Variants in ARHGAP40 observed in about 807,000 individuals in gnomAD.
ARHGAP40 encodes the protein Rho GTPase activating protein 40.
In ARHGAP40, 43 loss-of-function variants were observed where a neutral mutation model predicts 73.5. The ratio of observed to expected loss-of-function variants is 0.58; its 90% CI spans 0.46 to 0.75. ARHGAP40 has a LOEUF of 0.75. Among genes scored for constraint, ARHGAP40 ranks in the 30% least tolerant of loss-of-function variants. The pLI is 0.00. For synonymous variants in ARHGAP40, 300 were observed against 352.8 expected, an observed-to-expected ratio of 0.85 and a Z score of 1.68; for missense variants, 734 against 861.8, an observed-to-expected ratio of 0.85 and a Z score of 1.86.
At chr20:38,604,119 C>A (rs1053826086) in intron 1 of ARHGAP40, among the ~76,000 whole-genome samples, 7 of 152,158 alleles carry the variant, frequency 4.6e-5, no homozygotes, top group Admixed American at 4.6e-4. Context: ...TCCAACCATG[C>A]GTCGTCCGTC....
At chr20:38,628,839 G>T in intron 3 of ARHGAP40, 88 bp from the exon 4 acceptor site, 2 of 941,886 alleles carry the variant, frequency 2.1e-6, no homozygotes, top group Admixed American at 2.9e-5. Flanking sequence ...TGTGAAAAGG[G>T]GTTGTGGGTG....
chr20:38,648,759 A>G (rs774209164), intron 14 of ARHGAP40, 61 bp downstream of exon 14: 30 of 1,266,568 alleles, frequency 2.4e-5, no homozygotes, highest in African/African-American at 3.1e-5. Flanking sequence ...TTCGACCTCA[A>G]AGGCTCACTG....
At chr20:38,616,803 C>T (rs531305221) in intron 1 of ARHGAP40, among the ~76,000 whole-genome samples, 2 of 152,288 alleles carry the variant, frequency 1.3e-5, no homozygotes, top group East Asian at 1.9e-4. Flanking sequence ...ATTGTTAAAA[C>T]TGAGAGGGAT....
chr20:38,623,064 G>A (rs1481131863), intron 1 of ARHGAP40, among the ~76,000 whole-genome samples: 2 of 152,178 alleles, frequency 1.3e-5, no homozygotes. Context: ...CCCCTCTTGG[G>A]AATGCTGCCT....
intron 5 of ARHGAP40, among the ~76,000 whole-genome samples, chr20:38,634,307 A>G (rs1260746349): frequency 6.6e-6 from 1 of 152,212 alleles, no homozygotes; most frequent in Non-Finnish European, 1.5e-5. Flanking sequence ...AGCAGTGTTC[A>G]TGCCACTGTA....
rs749385086 is a variant in ARHGAP40, at chr20:38,615,072, T to C, written c.138-8287T>C. The stretch of plus-strand genomic sequence containing the variant: ...TGCCTCCTGTTGCCTCACAAAGCTG[T>C]CAGCAGACACTCGGAGTTTGGCTAT... On this transcript the variant is annotated intron_variant, in intron 1 of 14. Coordinates refer to ENST00000373345, the Ensembl canonical transcript of ARHGAP40. 3.2e-6 allele frequency: 3 copies of C among 925,872 alleles called. No individual in the cohort carries two copies. The Admixed American group carries it at 5.1e-5, about 16-fold the overall frequency. 57.4% of individuals were successfully genotyped at this position (925,872 alleles called of 1,614,324 possible). A position where few individuals can be genotyped will look rare whatever the true frequency, so the allele number is the denominator to read the frequency against.
intron 3 of ARHGAP40, among the ~76,000 whole-genome samples, chr20:38,627,601 G>A (rs138788304): frequency 1.7e-5 from 2 of 119,814 alleles, no homozygotes; most frequent in Admixed American, 1.7e-4. Context: ...TGGGGTGTGC[G>A]TTGGTGTGTG....
In ARHGAP40 at chr20:38,601,957, C is replaced by T. The variant is rs114346008; in HGVS notation, c.15C>T (p.Ala5=). 4,363 of 1,287,882 alleles carry T rather than the reference C, an allele frequency of 3.4e-3. 127 individuals are homozygous for T. The African/African-American group carries it at 0.058, about 17-fold the overall frequency. The allele number at this position is 1,287,882 out of a possible 1,614,324, so 79.8% of individuals were successfully genotyped here. A position where few individuals can be genotyped will look rare whatever the true frequency, so the allele number is the denominator to read the frequency against. The stretch of plus-strand genomic sequence containing the variant: ...GGTGCCAGCCCATGGCCGAGCCTGC[C>T]CTCCTCCCCGCCGCCCAGATGGAGA... Residue 5 remains alanine, a synonymous_variant, in exon 1 of 15, where the codon GCC becomes GCT. Coordinates refer to ENST00000373345, the Ensembl canonical transcript of ARHGAP40.
At chr20:38,640,671 C>T (rs2089012734) in intron 9 of ARHGAP40, among the ~76,000 whole-genome samples, 1 of 152,176 alleles carries the variant, frequency 6.6e-6, no homozygotes, top group African/African-American at 2.4e-5. Flanking sequence ...CTCCTGGGCC[C>T]CTCCTTCCCC....
chr20:38,646,887 T>G lies in ARHGAP40; in HGVS notation c.1711-70T>G. 1.6e-6 allele frequency: 2 copies of G among 1,240,548 alleles called. No individual in the cohort carries two copies. The highest frequency in any genetic ancestry group is 2.1e-6 in the Non-Finnish European group (2 of 949,584). The allele number at this position is 1,240,548 out of a possible 1,614,324, so 76.8% of individuals were successfully genotyped here. ...CGTAAGTGCCATGTATGCGTGTTTA[T>G]GCATCCACGTTGGAACTCCAGGCAA... On this transcript the variant is annotated intron_variant, in intron 12 of 14. Transcript: ENST00000373345. The surrounding 1 kb of genome is among the most constrained non-coding windows in gnomAD (Gnocchi z 4.5).
chr20:38,650,390 C>T, exon 15 of ARHGAP40: 1 of 471,130 alleles, frequency 2.1e-6, no homozygotes, highest in South Asian at 1.5e-5. Context: ...GCAGCAGCAC[C>T]AGAGACAAAA....
intron 5 of ARHGAP40, among the ~76,000 whole-genome samples, chr20:38,633,246 C>A (rs2088952654): frequency 6.6e-6 from 1 of 152,158 alleles, no homozygotes; most frequent in Non-Finnish European, 1.5e-5. Context: ...TGTGCCCCTG[C>A]ACTGCAACCT....
chr20:38,627,798 C>T lies in ARHGAP40; in HGVS notation c.558+583C>T, dbSNP rs1475662070. On this transcript the variant is annotated intron_variant, in intron 3 of 14. Transcript: ENST00000373345. ...AGGTCTTCATCTCCCATGCATGCCA[C>T]TGCATATATGCCTGTTGCCACTGTG... Among the ~76,000 whole-genome samples the T allele has an allele frequency of 2.0e-5, 3 of 152,164 alleles. No individual in the cohort carries two copies. The South Asian group carries it at 6.2e-4, about 31-fold the overall frequency.
At chr20:38,627,161 A>T in exon 3 of ARHGAP40, 1 of 1,305,442 alleles carries the variant, frequency 7.7e-7, no homozygotes, top group Non-Finnish European at 1.0e-6. Flanking sequence ...TGCGAAGACA[A>T]CACAAGACAC....
chr20:38,645,193 T>C (rs1404645592), intron 11 of ARHGAP40, among the ~76,000 whole-genome samples: 1 of 151,978 alleles, frequency 6.6e-6, no homozygotes, highest in African/African-American at 2.4e-5. Context: ...CCTCTGCTCA[T>C]TCTTCAAGAC....
intron 2 of ARHGAP40, among the ~76,000 whole-genome samples, chr20:38,625,815 G>A (rs1165242177): frequency 6.6e-6 from 1 of 152,218 alleles, no homozygotes; most frequent in Non-Finnish European, 1.5e-5. Flanking sequence ...GATGTTGGAT[G>A]CTCCATTTAT....
chr20:38,607,077 C>T (rs554209074), intron 1 of ARHGAP40, among the ~76,000 whole-genome samples: 6 of 152,270 alleles, frequency 3.9e-5, no homozygotes, highest in African/African-American at 1.4e-4. Context: ...TAGTACAGTG[C>T]CCACCATTTA....
At chr20:38,605,022 AC>A (rs2088763126) in intron 1 of ARHGAP40, among the ~76,000 whole-genome samples, 2 of 151,476 alleles carry the variant, frequency 1.3e-5, no homozygotes, top group African/African-American at 4.9e-5. Context: ...GTATTGGCTC[AC>A]AAGGTCACTA....
At chr20:38,629,097 T>C (rs2088921152) in intron 4 of ARHGAP40, 95 bp downstream of exon 4, 3 of 1,005,450 alleles carry the variant, frequency 3.0e-6, no homozygotes, top group Non-Finnish European at 4.0e-6. Context: ...CTCCCAGCAT[T>C]TCCTGCTTCC....
Sources: gnomAD v4.1 joint callset for allele counts (sites outside exome capture counted in the v4.1 genomes callset) on GRCh38, gnomAD v4.1.1 for gene constraint, Gnocchi (gnomAD v3.1) non-coding constraint, MANE v1.5 for transcripts, NCBI Gene and HGNC (gene_info 2026-07-23, HGNC 2026-07-21) for gene names.